CORO2B: variants seen among roughly 807,000 people sequenced by gnomAD.
CORO2B encodes the protein coronin-2B.
CORO2B carries 26 observed loss-of-function variants against 58.8 expected under a neutral mutation model. The observed-to-expected ratio is 0.44, with a 90% CI of 0.32 to 0.61. The LOEUF is 0.61. Among genes scored for constraint, CORO2B ranks in the 20% least tolerant of loss-of-function variants. The pLI, the probability that CORO2B is intolerant of heterozygous loss-of-function variation, is 0.04. For missense variants in CORO2B, 460 were observed against 645.1 expected (o/e 0.71, Z 3.11); for synonymous variants, 242 against 253.8 (o/e 0.95, Z 0.44).
At chr15:68,703,665 C>A (rs921421898) in intron 3 of CORO2B, among the ~76,000 whole-genome samples, 1 of 152,004 alleles carries the variant, frequency 6.6e-6, no homozygotes, top group Non-Finnish European at 1.5e-5. Flanking sequence ...AGCAGCAGGT[C>A]CCTTAAATGG....
At chr15:68,640,661 C>T (rs775951273) in intron 1 of CORO2B, among the ~76,000 whole-genome samples, 4 of 152,100 alleles carry the variant, frequency 2.6e-5, no homozygotes, top group African/African-American at 9.7e-5. Context: ...AATTTAAACA[C>T]GGGCTGGGCA....
At chr15:68,565,277 T>G in the CORO2B span, among the ~76,000 whole-genome samples, 1 of 150,586 alleles carries the variant, frequency 6.6e-6, no homozygotes, top group African/African-American at 2.4e-5. Context: ...AATTAGAAAG[T>G]ACTAATCCAT....
At chr15:68,717,511 C>T (rs188456566) in intron 8 of CORO2B, among the ~76,000 whole-genome samples, 12 of 152,242 alleles carry the variant, frequency 7.9e-5, no homozygotes, top group African/African-American at 2.2e-4. Context: ...GCTAAGGTAT[C>T]GGATATGGAG....
At chr15:68,534,233 C>A in the CORO2B span, among the ~76,000 whole-genome samples, 2 of 151,056 alleles carry the variant, frequency 1.3e-5, no homozygotes, top group Non-Finnish European at 2.9e-5. Flanking sequence ...TGTGCATACA[C>A]ATACACACAT....
At chr15:68,662,663 C>T (rs1170361788) in intron 2 of CORO2B, among the ~76,000 whole-genome samples, 1 of 152,180 alleles carries the variant, frequency 6.6e-6, no homozygotes, top group Non-Finnish European at 1.5e-5. Flanking sequence ...GAGCTTCCTG[C>T]AATAGCAACA....
chr15:68,695,816 CAGG>C (rs1410781293), intron 3 of CORO2B, among the ~76,000 whole-genome samples: 1 of 151,602 alleles, frequency 6.6e-6, no homozygotes. Context: ...AGAGAAGAAA[CAGG>C]AGAAGGGAGA....
At chr15:68,547,167 C>T in the CORO2B span, among the ~76,000 whole-genome samples, 1 of 152,162 alleles carries the variant, frequency 6.6e-6, no homozygotes, top group African/African-American at 2.4e-5. Flanking sequence ...CAAATATCTG[C>T]AGCTGAGCTT....
Position 68,645,310 on chromosome 15 carries a change from G to A in CORO2B, c.166G>A (p.Val56Ile), listed in dbSNP as rs147484943. Reference protein sequence around the residue: ...CAVNTRFLAIVTESAGGGSFL... With the variant: ...CAVNTRFLAIITESAGGGSFL... The stretch of plus-strand genomic sequence containing the variant: ...CGTCAACACCCGCTTCCTGGCCATC[G>A]TCACCGAGAGCGCAGGGGGCGGCTC... The change falls in exon 2 of 12, where the codon GTC (valine) becomes ATC (isoleucine). Residue 56 changes from valine to isoleucine, a missense_variant. Transcript: ENST00000261861. This position sits in a 1 kb window ranked among gnomAD's most constrained non-coding sequence, Gnocchi z 4.5. 2.2e-5 allele frequency: 35 copies of A among 1,613,402 alleles called. No individual in the cohort carries two copies. Among genetic ancestry groups the A allele is most frequent in the South Asian group, 4.4e-5 (4 of 91,084 alleles).
chr15:68,714,602 T>A lies in CORO2B; in HGVS notation c.809T>A (p.Leu270His), dbSNP rs374424833. Reference protein sequence around the residue: ...MPLIEEEIDGLSGLLFPFYDA... With the variant: ...MPLIEEEIDGHSGLLFPFYDA... The stretch of plus-strand genomic sequence containing the variant: ...CTGATCGAAGAGGAAATTGATGGGC[T>A]CTCTGGCCTCCTGTTCCCCTTCTAT... The change falls in exon 7 of 12, where the codon CTC becomes CAC. Residue 270 changes from leucine (L) to histidine (H), a missense_variant. This residue lies in a region of CORO2B where 352 missense variants were observed against 543.0 expected (regional missense o/e 0.65). Coordinates refer to ENST00000261861, the MANE Select transcript of CORO2B (RefSeq NM_006091.5). 1.9e-6 allele frequency: 3 copies of A among 1,613,968 alleles called. No homozygotes were observed. In the African/African-American group the frequency reaches 4.0e-5, roughly 22 times the overall value.
At chr15:68,682,807 T>C (rs1170759464) in intron 2 of CORO2B, among the ~76,000 whole-genome samples, 1 of 152,226 alleles carries the variant, frequency 6.6e-6, no homozygotes, top group Non-Finnish European at 1.5e-5. Flanking sequence ...GCTGCCCTGC[T>C]GCTGTAGCAG....
At chr15:68,707,369 G>A (rs560618791) in intron 3 of CORO2B, among the ~76,000 whole-genome samples, 1 of 152,258 alleles carries the variant, frequency 6.6e-6, no homozygotes, top group East Asian at 1.9e-4. Flanking sequence ...TAAAAAATAT[G>A]AAACACTTCT....
intron 2 of CORO2B, among the ~76,000 whole-genome samples, chr15:68,672,214 C>A (rs908493636): frequency 6.5e-5 from 8 of 123,550 alleles, no homozygotes; most frequent in African/African-American, 2.3e-4. Context: ...AAGTCATCTT[C>A]TTTGAGTATG....
At chr15:68,597,797 C>T (rs1299046232) in intron 1 of CORO2B, among the ~76,000 whole-genome samples, 1 of 152,166 alleles carries the variant, frequency 6.6e-6, no homozygotes, top group African/African-American at 2.4e-5. Context: ...CTCCCAGTGG[C>T]CTGCACAGTT....
intron 2 of CORO2B, among the ~76,000 whole-genome samples, chr15:68,679,392 A>C (rs1333635160): frequency 6.6e-6 from 1 of 152,182 alleles, no homozygotes; most frequent in African/African-American, 2.4e-5. Context: ...GATGGGTTAG[A>C]CACATACCCC....
intron 1 of CORO2B, among the ~76,000 whole-genome samples, chr15:68,606,560 C>T (rs1175616515): frequency 2.6e-5 from 4 of 152,178 alleles, no homozygotes; most frequent in African/African-American, 9.7e-5. Context: ...TAAACATTTT[C>T]CATACCCCAA....
At chr15:68,594,929 G>A (rs1899789987) in intron 1 of CORO2B, among the ~76,000 whole-genome samples, 1 of 152,216 alleles carries the variant, frequency 6.6e-6, no homozygotes, top group Non-Finnish European at 1.5e-5. Flanking sequence ...TGTGACCTTA[G>A]GCAAGTTGTT....
At chr15:68,620,109 A>G (rs1044428926) in intron 1 of CORO2B, among the ~76,000 whole-genome samples, 2 of 152,184 alleles carry the variant, frequency 1.3e-5, no homozygotes, top group African/African-American at 4.8e-5. Flanking sequence ...ACGGGGTTTC[A>G]CCATGTTGGC....
At chr15:68,523,862 C>G in the CORO2B span, among the ~76,000 whole-genome samples, 1 of 152,040 alleles carries the variant, frequency 6.6e-6, no homozygotes, top group Non-Finnish European at 1.5e-5. Context: ...TTTTTTTCTC[C>G]AAAATCTTGG....
intron 2 of CORO2B, among the ~76,000 whole-genome samples, chr15:68,678,442 CT>C (rs1902659941): frequency 6.6e-6 from 1 of 152,116 alleles, no homozygotes; most frequent in African/African-American, 2.4e-5. Flanking sequence ...GGGAGGCCGA[CT>C]TGGGCAGATC....
Sources: gnomAD v4.1 joint callset for allele counts (sites outside exome capture counted in the v4.1 genomes callset) on GRCh38, gnomAD v4.1.1 for gene constraint, gnomAD v4.1.1 regional missense constraint, Gnocchi (gnomAD v3.1) non-coding constraint, MANE v1.5 for transcripts, NCBI Gene and HGNC (gene_info 2026-07-23, HGNC 2026-07-21) for gene names.